MAN1A1: variants seen among roughly 807,000 people sequenced by gnomAD.
The protein encoded by MAN1A1 is mannosyl-oligosaccharide 1,2-alpha-mannosidase IA.
MAN1A1 carries 29 observed loss-of-function variants against 70.8 expected under a neutral mutation model. The ratio of observed to expected loss-of-function variants is 0.41; its 90% CI spans 0.31 to 0.56. The LOEUF (loss-of-function observed/expected upper bound fraction) is 0.56, where lower values mean the gene tolerates loss of function less well. Ranked by LOEUF, MAN1A1 falls within the 20% of genes least tolerant of loss-of-function variation. The probability of loss-of-function intolerance (pLI) is 0.29; values close to 1 mark genes in which losing one functional copy is unlikely to be tolerated. For missense variants in MAN1A1, 747 were observed against 841.3 expected, an observed-to-expected ratio of 0.89 and a Z score of 1.39; for synonymous variants, 349 against 330.1, an observed-to-expected ratio of 1.06 and a Z score of -0.62.
intron 9 of MAN1A1, among the ~76,000 whole-genome samples, chr6:119,191,642 C>G (rs1203393050): frequency 6.6e-6 from 1 of 152,168 alleles, no homozygotes; most frequent in Non-Finnish European, 1.5e-5. Context: ...TCTGATATGT[C>G]TTCTGCCCAG....
chr6:119,274,953 CTT>C (rs1169277383), intron 5 of MAN1A1, among the ~76,000 whole-genome samples: 5 of 152,126 alleles, frequency 3.3e-5, no homozygotes, highest in South Asian at 2.1e-4. Flanking sequence ...TTGAGAAAGA[CTT>C]AAGTGCAATG....
chr6:119,336,124 C>T (rs887457019), intron 2 of MAN1A1, among the ~76,000 whole-genome samples: 1 of 152,146 alleles, frequency 6.6e-6, no homozygotes. Context: ...GGCTGGAGTG[C>T]AGTGGCACAA....
At chr6:119,323,011 A>G (rs1773056646) in intron 2 of MAN1A1, among the ~76,000 whole-genome samples, 1 of 152,234 alleles carries the variant, frequency 6.6e-6, no homozygotes, top group African/African-American at 2.4e-5. Flanking sequence ...AAAGGTGCCA[A>G]TTATATTTAA....
intron 6 of MAN1A1, among the ~76,000 whole-genome samples, chr6:119,207,983 A>T (rs1773928029): frequency 1.3e-5 from 2 of 152,230 alleles, no homozygotes; most frequent in Admixed American, 1.3e-4. Flanking sequence ...TCTATTTTAT[A>T]AAAACTAATA....
At chr6:119,349,765 C>T (rs1309855792), upstream of MAN1A1, 1 of 985,412 alleles carries the variant, frequency 1.0e-6, no homozygotes, top group Non-Finnish European at 1.2e-6. Flanking sequence ...GAGCACTAAT[C>T]TCACTGCCGG....
At chr6:119,298,103 AGAGT>A (rs1772272237) in intron 4 of MAN1A1, among the ~76,000 whole-genome samples, 6 of 152,120 alleles carry the variant, frequency 3.9e-5, no homozygotes, top group Admixed American at 3.9e-4. Flanking sequence ...GAGTGAATGA[AGAGT>A]GACTAACCAA....
chr6:119,179,692 C>A lies in MAN1A1; in HGVS notation c.*127G>T, dbSNP rs1329042656. The A allele has an allele frequency of 1.5e-5, 13 of 848,980 alleles. No individual in the cohort carries two copies. The allele number at this position is 848,980 out of a possible 1,614,324, so 52.6% of individuals were successfully genotyped here. On this transcript the variant is annotated 3_prime_UTR_variant, in exon 13 of 13. Coordinates refer to ENST00000368468, the MANE Select transcript of MAN1A1 (RefSeq NM_005907.4). ...CTATGATAATAAACATAAAAGACTG[C>A]AAAACAATTTAAGAACTTAATCACA...
intron 6 of MAN1A1, among the ~76,000 whole-genome samples, chr6:119,233,897 C>T (rs1774762632): frequency 6.6e-6 from 1 of 152,208 alleles, no homozygotes; most frequent in Non-Finnish European, 1.5e-5. Context: ...AACCTTTGCA[C>T]AGTAGAATTA....
At chr6:119,284,547 G>A (rs9489666) in intron 5 of MAN1A1, among the ~76,000 whole-genome samples, 1,814 of 152,046 alleles carry the variant, frequency 0.012, 39 homozygotes, top group African/African-American at 0.042. Flanking sequence ...TCTTATTTTT[G>A]TTACGTCTTT....
chr6:119,208,090 T>G (rs769720976), intron 6 of MAN1A1, among the ~76,000 whole-genome samples: 2 of 152,170 alleles, frequency 1.3e-5, no homozygotes, highest in African/African-American at 4.8e-5. Context: ...ATTTAAATAT[T>G]ACCAATCTTG....
intron 2 of MAN1A1, among the ~76,000 whole-genome samples, chr6:119,333,129 C>T (rs3798652): frequency 3.9e-5 from 6 of 152,174 alleles, no homozygotes; most frequent in East Asian, 1.9e-4. Context: ...ACTAGCAACA[C>T]GGGTGATGCA....
chr6:119,308,722 C>A (rs1254088103), intron 2 of MAN1A1, among the ~76,000 whole-genome samples: 1 of 151,996 alleles, frequency 6.6e-6, no homozygotes, highest in Non-Finnish European at 1.5e-5. Flanking sequence ...ATCTACAGAA[C>A]ACCTAGAGAT....
chr6:119,259,509 T>G (rs1033188312), intron 5 of MAN1A1, among the ~76,000 whole-genome samples: 3 of 152,250 alleles, frequency 2.0e-5, no homozygotes, highest in Non-Finnish European at 4.4e-5. Context: ...TAAGCAAATG[T>G]AAACCTATCC....
chr6:119,181,618 C>A (rs1773156219), intron 11 of MAN1A1, among the ~76,000 whole-genome samples: 1 of 152,084 alleles, frequency 6.6e-6, no homozygotes, highest in South Asian at 2.1e-4. Flanking sequence ...CAACCTAAAC[C>A]AACCTGCCTT....
At chr6:119,224,497 G>A (rs1774451234) in intron 6 of MAN1A1, among the ~76,000 whole-genome samples, 1 of 152,150 alleles carries the variant, frequency 6.6e-6, no homozygotes, top group Non-Finnish European at 1.5e-5. Context: ...TGTCACACTT[G>A]GCAGGGGACA....
chr6:119,333,866 G>C (rs1328797490), intron 2 of MAN1A1, among the ~76,000 whole-genome samples: 1 of 152,146 alleles, frequency 6.6e-6, no homozygotes, highest in Non-Finnish European at 1.5e-5. Context: ...TAAAAACCTA[G>C]GGTGTAATTC....
At chr6:119,256,970 C>T (rs905662057) in intron 5 of MAN1A1, among the ~76,000 whole-genome samples, 3 of 152,068 alleles carry the variant, frequency 2.0e-5, no homozygotes, top group Non-Finnish European at 4.4e-5. Flanking sequence ...AGATATACAA[C>T]ACAAAACAAT....
chr6:119,321,130 C>T (rs1413668229), intron 2 of MAN1A1, among the ~76,000 whole-genome samples: 1 of 152,156 alleles, frequency 6.6e-6, no homozygotes, highest in Non-Finnish European at 1.5e-5. Flanking sequence ...ATACAACTTT[C>T]TCCCCAAAGT....
rs1440872838 is a variant in MAN1A1 at position 119,177,881 on chromosome 6, T to A, written c.*1938A>T. 1 of 152,066 alleles carries A rather than the reference T, an allele frequency of 6.6e-6. No individual in the cohort carries two copies. The highest frequency in any genetic ancestry group is 1.5e-5 in the Non-Finnish European group (1 of 67,938). 9.4% of individuals were successfully genotyped at this position (152,066 alleles called of 1,614,324 possible). ...CTTTCAAATCAAAGTGAAAAGAAAA[T>A]GAGTTAATTTAAATGGCAAATTCAA... On this transcript the variant is annotated 3_prime_UTR_variant, in exon 13 of 13. Coordinates refer to ENST00000368468, the MANE Select transcript of MAN1A1 (RefSeq NM_005907.4).
Sources: gnomAD v4.1 joint callset for allele counts (sites outside exome capture counted in the v4.1 genomes callset) on GRCh38, gnomAD v4.1.1 for gene constraint, MANE v1.5 for transcripts, NCBI Gene and HGNC (gene_info 2026-07-23, HGNC 2026-07-21) for gene names.